The following DMD variants were observed in gnomAD, a reference collection of about 807,000 sequenced individuals.
DMD encodes mutant dystrophin.
DMD carries 63 observed loss-of-function variants against 330.1 expected under a neutral mutation model. The ratio of observed to expected loss-of-function variants is 0.19; its 90% CI spans 0.16 to 0.24. The LOEUF (loss-of-function observed/expected upper bound fraction) is 0.24, where lower values mean the gene tolerates loss of function less well. DMD is among the 10% of genes least tolerant of loss of function. The pLI, the probability that DMD is intolerant of heterozygous loss-of-function variation, is 1.00. For synonymous variants in DMD, 1,223 were observed against 959.8 expected (o/e 1.27, Z -5.07); for missense variants, 3,344 against 2,684.1 (o/e 1.25, Z -5.43).
intron 30 of DMD, among the ~76,000 whole-genome samples, chrX:32,395,300 G>T (rs149352241): frequency 9.0e-6 from 1 of 111,442 alleles, no homozygotes; most frequent in African/African-American, 3.3e-5. Flanking sequence ...GAACAAAATT[G>T]TTGCCCCTAT....
chrX:32,626,606 A>C (rs1319725810), intron 11 of DMD, among the ~76,000 whole-genome samples: 1 of 105,176 alleles, frequency 9.5e-6, no homozygotes, highest in Non-Finnish European at 1.9e-5. Context: ...CATCTGCTTA[A>C]ATAAGTAATT....
intron 44 of DMD, chrX:32,102,177 C>G (rs1248994929): frequency 9.0e-6 from 1 of 111,617 alleles, no homozygotes; most frequent in Non-Finnish European, 1.9e-5. Flanking sequence ...GATGTGGCCC[C>G]TCAACCTTGG....
At chrX:31,535,531 A>C (rs1569550046) in intron 55 of DMD, among the ~76,000 whole-genome samples, 1 of 97,598 alleles carries the variant, frequency 1.0e-5, no homozygotes. Context: ...AAACCATAAA[A>C]ACCCTAGAAG....
At chrX:31,546,630 G>C (rs187531518) in intron 55 of DMD, among the ~76,000 whole-genome samples, 1 of 111,928 alleles carries the variant, frequency 8.9e-6, no homozygotes, top group African/African-American at 3.2e-5. Context: ...ACTGATTTTG[G>C]AATAGCTGGT....
rs143901518 is a variant in DMD, at chrX:33,004,984, T to C, written c.93+15155A>G. On this transcript the variant is annotated intron_variant, in intron 2 of 78. Transcript: ENST00000357033. ...AGTCTGCTAACTTACTAAATTATTT[T>C]ATTGGTATTTGTTTGTGTTCATATT... is the stretch of plus-strand genomic sequence containing the variant. Among the ~76,000 whole-genome samples, 106 of 111,506 alleles carry C rather than the reference T, an allele frequency of 9.5e-4. 1 individual carries two copies. The East Asian group carries it at 0.025, about 26-fold the overall frequency.
intron 1 of DMD, among the ~76,000 whole-genome samples, chrX:33,059,090 G>T (rs889613878): frequency 1.8e-5 from 2 of 111,507 alleles, no homozygotes; most frequent in East Asian, 5.6e-4. Context: ...CAATTTATCA[G>T]TGTTTGACTT....
At chrX:32,754,136 C>T (rs942353212) in intron 7 of DMD, among the ~76,000 whole-genome samples, 1 of 111,048 alleles carries the variant, frequency 9.0e-6, no homozygotes, top group African/African-American at 3.3e-5. Flanking sequence ...TTTAGAGTTG[C>T]TGGTCACTTA....
At chrX:31,733,891 T>G (rs112316301) in intron 51 of DMD, among the ~76,000 whole-genome samples, 10 of 111,424 alleles carry the variant, frequency 9.0e-5, no homozygotes, top group African/African-American at 3.3e-4. Context: ...TTTTCCTACT[T>G]GGTCAACCTT....
chrX:32,331,250 T>C (rs1285419456), intron 41 of DMD, among the ~76,000 whole-genome samples: 1 of 111,976 alleles, frequency 8.9e-6, no homozygotes, highest in African/African-American at 3.2e-5. Flanking sequence ...TTAATGTCCA[T>C]AGTCACAATG....
intron 9 of DMD, among the ~76,000 whole-genome samples, chrX:32,655,155 T>G (rs1406802569): frequency 3.6e-5 from 4 of 111,935 alleles, no homozygotes; most frequent in Admixed American, 2.9e-4. Flanking sequence ...GGCTCTGATC[T>G]TAGTTATTTC....
intron 55 of DMD, among the ~76,000 whole-genome samples, chrX:31,617,335 G>A (rs892450063): frequency 4.5e-5 from 5 of 110,475 alleles, no homozygotes; most frequent in African/African-American, 9.9e-5. Context: ...AGGAGTTTGC[G>A]ACCAGCCTGG....
At chrX:32,174,659 T>C (rs1401401829) in intron 44 of DMD, among the ~76,000 whole-genome samples, 1 of 112,459 alleles carries the variant, frequency 8.9e-6, no homozygotes, top group Non-Finnish European at 1.9e-5. Context: ...AACAATGTTG[T>C]CTTTGGAAGC....
At chrX:31,284,575 C>CTTCTTCTTCTTCTTCTTCTTCT (rs2052946803) in intron 62 of DMD, among the ~76,000 whole-genome samples, 1 of 91,856 alleles carries the variant, frequency 1.1e-5, no homozygotes, top group African/African-American at 4.3e-5. Flanking sequence ...TCTTCTTCTT[C>CTTCTTCTTCTTCTTCTTCTTCT]TTCTTCTTCT....
chrX:31,283,399 A>G (rs769543229), intron 62 of DMD, among the ~76,000 whole-genome samples: 162 of 111,709 alleles, frequency 1.5e-3, no homozygotes, highest in African/African-American at 4.7e-3. Flanking sequence ...AATATGGCCA[A>G]ATCTACTTGC....
At chrX:31,456,401 G>T (rs1422593011) in intron 59 of DMD, among the ~76,000 whole-genome samples, 1 of 111,998 alleles carries the variant, frequency 8.9e-6, no homozygotes, top group East Asian at 2.8e-4. Context: ...TTGCCGGGTA[G>T]CTACCTTTTT....
intron 1 of DMD, among the ~76,000 whole-genome samples, chrX:33,331,170 T>C (rs1221160872): frequency 9.0e-6 from 1 of 111,653 alleles, no homozygotes; most frequent in African/African-American, 3.3e-5. Flanking sequence ...GATGACCTAA[T>C]GGAGAAATAG....
intron 63 of DMD, among the ~76,000 whole-genome samples, chrX:31,254,346 C>T (rs1428467753): frequency 5.5e-5 from 6 of 109,300 alleles, no homozygotes; most frequent in Non-Finnish European, 9.5e-5. Flanking sequence ...GACCCCCCCC[C>T]AATAAGACAG....
At chrX:31,975,592 T>C (rs1014206916) in intron 44 of DMD, among the ~76,000 whole-genome samples, 1 of 112,198 alleles carries the variant, frequency 8.9e-6, no homozygotes, top group Non-Finnish European at 1.9e-5. Flanking sequence ...ACTTCAGGCA[T>C]AAAATTCTTT....
intron 65 of DMD, 38 bp from the exon 66 acceptor site, chrX:31,206,705 C>T: frequency 9.1e-7 from 1 of 1,101,663 alleles, no homozygotes; most frequent in Non-Finnish European, 1.3e-6. Context: ...AATTACTGAC[C>T]CTTTCCTAGA....
Sources: gnomAD v4.1 joint callset for allele counts (sites outside exome capture counted in the v4.1 genomes callset) on GRCh38, gnomAD v4.1.1 for gene constraint, MANE v1.5 for transcripts, NCBI Gene and HGNC (gene_info 2026-07-23, HGNC 2026-07-21) for gene names.